The following PDE1A variants were observed in gnomAD, a reference collection of about 807,000 sequenced individuals.
The protein encoded by PDE1A is phosphodiesterase 1A.
In PDE1A, 35 loss-of-function variants were observed where a neutral mutation model predicts 61.7. The ratio of observed to expected loss-of-function variants is 0.57; its 90% CI spans 0.43 to 0.75. The LOEUF (loss-of-function observed/expected upper bound fraction) is 0.75, where lower values mean the gene tolerates loss of function less well. Ranked by LOEUF, PDE1A falls within the 30% of genes least tolerant of loss-of-function variation. PDE1A has a pLI of 0.00. For missense variants in PDE1A, 597 were observed against 630.6 expected (o/e 0.95, Z 0.57); for synonymous variants, 232 against 213.2 (o/e 1.09, Z -0.77).
chr2:182,416,759 T>C (rs1420679887), intron 1 of PDE1A, among the ~76,000 whole-genome samples: 3 of 152,232 alleles, frequency 2.0e-5, no homozygotes, highest in Non-Finnish European at 4.4e-5. Context: ...CACTACTTTC[T>C]GGGGATATTA....
chr2:182,147,692 G>A (rs1328553316), intron 13 of PDE1A, among the ~76,000 whole-genome samples: 3 of 152,162 alleles, frequency 2.0e-5, no homozygotes, highest in Non-Finnish European at 4.4e-5. Flanking sequence ...TTTCTGGAGA[G>A]GTTGTAGAGA....
chr2:182,644,283 G>GTGTGTGTC, the PDE1A span, among the ~76,000 whole-genome samples: 2 of 149,970 alleles, frequency 1.3e-5, no homozygotes, highest in Admixed American at 6.6e-5. Context: ...GTGTGTGTGT[G>GTGTGTGTC]TGTGTGTGTG....
intron 10 of PDE1A, among the ~76,000 whole-genome samples, chr2:182,199,257 G>C (rs1686404409): frequency 6.6e-6 from 1 of 151,774 alleles, no homozygotes; most frequent in African/African-American, 2.4e-5. Flanking sequence ...TTTTCGGAGA[G>C]CCAACTGTTA....
Position 182,337,492 on chromosome 2 carries a change from T to A in PDE1A, c.54-73078A>T, listed in dbSNP as rs141694547. Among the ~76,000 whole-genome samples, 380 of 152,320 alleles carry A rather than the reference T, an allele frequency of 2.5e-3. 2 individuals are homozygous for A. Among genetic ancestry groups the A allele is most frequent in the African/African-American group, 8.6e-3 (357 of 41,574 alleles). ...TTAATTACCTAAAACTTTTGGTAAA[T>A]AACATGTCATTTCATCTTCTCCACT... On this transcript the variant is annotated intron_variant, in intron 1 of 13. Coordinates refer to ENST00000351439, the Ensembl canonical transcript of PDE1A.
intron 2 of PDE1A, among the ~76,000 whole-genome samples, chr2:182,245,872 T>C (rs1315621460): frequency 2.6e-5 from 4 of 152,092 alleles, no homozygotes; most frequent in African/African-American, 9.7e-5. Flanking sequence ...GATGGTATCA[T>C]AAGTGTTTAG....
At chr2:182,471,771 C>G (rs1687044958) in intron 2 of PDE1A, among the ~76,000 whole-genome samples, 1 of 151,732 alleles carries the variant, frequency 6.6e-6, no homozygotes, top group Non-Finnish European at 1.5e-5. Flanking sequence ...GACACTCTTC[C>G]TCTAAACTTT....
At chr2:182,338,051 A>G (rs1697954027) in intron 1 of PDE1A, among the ~76,000 whole-genome samples, 1 of 152,192 alleles carries the variant, frequency 6.6e-6, no homozygotes, top group African/African-American at 2.4e-5. Context: ...GTTTGAATGG[A>G]TTAAAATATT....
At chr2:182,154,704 C>T (rs1690973195) in intron 13 of PDE1A, among the ~76,000 whole-genome samples, 1 of 152,180 alleles carries the variant, frequency 6.6e-6, no homozygotes, top group Non-Finnish European at 1.5e-5. Flanking sequence ...ACATGTGGAG[C>T]CGTGAGTCCG....
chr2:182,396,276 G>A (rs191558259), intron 1 of PDE1A, among the ~76,000 whole-genome samples: 1 of 152,222 alleles, frequency 6.6e-6, no homozygotes, highest in Non-Finnish European at 1.5e-5. Context: ...GAAGGACAGT[G>A]GTGAAGGGAA....
chr2:182,447,692 T>C (rs1685235994), intron 2 of PDE1A, among the ~76,000 whole-genome samples: 1 of 152,088 alleles, frequency 6.6e-6, no homozygotes, highest in Non-Finnish European at 1.5e-5. Flanking sequence ...TAAATCTATC[T>C]ATACTTTCCT....
chr2:182,509,016 T>G (rs2125940936), intron 2 of PDE1A, among the ~76,000 whole-genome samples: 1 of 148,520 alleles, frequency 6.7e-6, no homozygotes, highest in Admixed American at 6.7e-5. Context: ...TGTGTCCATG[T>G]GATCTCATTG....
chr2:182,260,267 A>T (rs1692129546), intron 2 of PDE1A, among the ~76,000 whole-genome samples: 1 of 152,208 alleles, frequency 6.6e-6, no homozygotes, highest in African/African-American at 2.4e-5. Flanking sequence ...CCTCTCTGGA[A>T]TACTCACGGC....
At chr2:182,647,241 C>T in the PDE1A span, among the ~76,000 whole-genome samples, 1 of 152,240 alleles carries the variant, frequency 6.6e-6, no homozygotes, top group East Asian at 1.9e-4. Flanking sequence ...TGTCCCTGTA[C>T]CTTTCCATAT....
intron 1 of PDE1A, among the ~76,000 whole-genome samples, chr2:182,268,121 A>G (rs1162736215): frequency 6.6e-6 from 1 of 152,100 alleles, no homozygotes; most frequent in Non-Finnish European, 1.5e-5. Context: ...TCTGGCATAG[A>G]TAAGTTGTTC....
the PDE1A span, among the ~76,000 whole-genome samples, chr2:182,545,689 C>G: frequency 6.6e-6 from 1 of 152,140 alleles, no homozygotes; most frequent in African/African-American, 2.4e-5. Flanking sequence ...ACCTTATGAA[C>G]AGACCTGTCA....
chr2:182,486,622 A>G (rs952886002), intron 2 of PDE1A, among the ~76,000 whole-genome samples: 31 of 152,114 alleles, frequency 2.0e-4, no homozygotes, highest in African/African-American at 6.0e-4. Context: ...GAATTGAAAG[A>G]CCAGAAATAA....
rs537062921 is a variant in PDE1A at position 182,196,735 on chromosome 2, T to C, written c.1125+4704A>G. Among the ~76,000 whole-genome samples, 5 of 151,174 alleles carry C rather than the reference T, an allele frequency of 3.3e-5. No individual in the cohort carries two copies. In the East Asian group the frequency reaches 9.6e-4, roughly 29 times the overall value. ...TTTATAGTATTATTTTGAGATTTAT[T>C]GTCATTTGTATCATTAGTCTATTTT... On this transcript the variant is annotated intron_variant, in intron 10 of 13. Transcript: ENST00000351439.
the PDE1A span, among the ~76,000 whole-genome samples, chr2:182,555,196 G>T: frequency 2.8e-4 from 42 of 152,276 alleles, no homozygotes; most frequent in African/African-American, 9.4e-4. Context: ...ACAATAAACA[G>T]AATCTTAACC....
intron 2 of PDE1A, among the ~76,000 whole-genome samples, chr2:182,452,426 C>T (rs6433973): frequency 0.71 from 108,015 of 151,944 alleles, 38,636 homozygotes; most frequent in East Asian, 0.95. Flanking sequence ...GATAAGTGCA[C>T]GCTAGAAGTC....
Sources: allele counts gnomAD v4.1 joint callset (sites outside exome capture counted in the v4.1 genomes callset), GRCh38; gene constraint gnomAD v4.1.1; transcripts MANE v1.5; gene names NCBI Gene and HGNC (gene_info 2026-07-23, HGNC 2026-07-21).